The following SYT16 variants were observed in gnomAD, a reference collection of about 807,000 sequenced individuals.
SYT16 encodes the protein synaptotagmin 16, also known as synaptotagmin-16.
In SYT16, 42 loss-of-function variants were observed where a neutral mutation model predicts 61.4. The observed-to-expected ratio is 0.68, with a 90% CI of 0.53 to 0.89. SYT16 has a LOEUF of 0.89. Among genes scored for constraint, SYT16 ranks in the 40% least tolerant of loss-of-function variants. The probability of loss-of-function intolerance (pLI) is 0.00; values close to 1 mark genes in which losing one functional copy is unlikely to be tolerated. For synonymous variants in SYT16, 314 were observed against 302.3 expected (o/e 1.04, Z -0.40); for missense variants, 804 against 807.3 (o/e 1.00, Z 0.05).
chr14:61,956,787 G>A (rs531209732), intron 1 of SYT16, among the ~76,000 whole-genome samples: 73 of 151,678 alleles, frequency 4.8e-4, no homozygotes, highest in Middle Eastern at 3.4e-3. Flanking sequence ...GCTATTAAGA[G>A]TCTTTTATGA....
chr14:62,050,005 T>G (rs1371787650), intron 3 of SYT16, among the ~76,000 whole-genome samples: 2 of 152,164 alleles, frequency 1.3e-5, no homozygotes, highest in African/African-American at 2.4e-5. Context: ...TTTCCTGAAT[T>G]TGAATGTTGG....
At chr14:61,986,464 T>C (rs867600970) in intron 2 of SYT16, among the ~76,000 whole-genome samples, 4 of 150,388 alleles carry the variant, frequency 2.7e-5, no homozygotes, top group Non-Finnish European at 5.9e-5. Flanking sequence ...TATATATTTT[T>C]ATTATACTTT....
At chr14:61,979,672 A>G (rs1250228957) in intron 2 of SYT16, among the ~76,000 whole-genome samples, 1 of 152,168 alleles carries the variant, frequency 6.6e-6, no homozygotes, top group African/African-American at 2.4e-5. Flanking sequence ...TCACGAGGTC[A>G]AGAGATCGAG....
chr14:62,014,982 G>C (rs2053611299), intron 3 of SYT16, among the ~76,000 whole-genome samples: 1 of 152,102 alleles, frequency 6.6e-6, no homozygotes, highest in African/African-American at 2.4e-5. Flanking sequence ...CCTTCCTCGT[G>C]AAAACTGTTC....
intron 3 of SYT16, among the ~76,000 whole-genome samples, chr14:62,017,376 C>G (rs1178426785): frequency 6.6e-6 from 1 of 152,176 alleles, no homozygotes; most frequent in African/African-American, 2.4e-5. Flanking sequence ...CATTCACATG[C>G]TGACAAATCT....
At chr14:62,051,406 C>T (rs1042076479) in intron 3 of SYT16, among the ~76,000 whole-genome samples, 1 of 152,216 alleles carries the variant, frequency 6.6e-6, no homozygotes. Context: ...ATTCCCTGAC[C>T]CCTTGCACTT....
At chr14:61,957,401 A>G (rs2050922324) in intron 1 of SYT16, among the ~76,000 whole-genome samples, 1 of 151,920 alleles carries the variant, frequency 6.6e-6, no homozygotes, top group Non-Finnish European at 1.5e-5. Flanking sequence ...CTTAGAGGGA[A>G]GCTTTCCACT....
chr14:61,859,041 A>G (rs1408192779), intron 1 of SYT16, among the ~76,000 whole-genome samples: 3 of 151,066 alleles, frequency 2.0e-5, no homozygotes, highest in Non-Finnish European at 4.4e-5. Context: ...TTGTATTTTT[A>G]GTAGAGACGG....
At chr14:62,005,598 C>A (rs2053190154) in intron 3 of SYT16, among the ~76,000 whole-genome samples, 1 of 152,064 alleles carries the variant, frequency 6.6e-6, no homozygotes, top group Admixed American at 6.6e-5. Flanking sequence ...TGAATTCCAC[C>A]CACTTCTTTC....
intron 3 of SYT16, among the ~76,000 whole-genome samples, chr14:61,998,011 G>A (rs2052838058): frequency 6.6e-6 from 1 of 151,874 alleles, no homozygotes; most frequent in East Asian, 1.9e-4. Flanking sequence ...AATAATTAAC[G>A]ATGGAACAGC....
intron 1 of SYT16, among the ~76,000 whole-genome samples, chr14:61,860,029 A>T (rs58618060): frequency 0.033 from 4,980 of 152,272 alleles, 221 homozygotes; most frequent in African/African-American, 0.094. Context: ...CACAGAAATA[A>T]ACAGTACCCT....
intron 2 of SYT16, among the ~76,000 whole-genome samples, chr14:61,978,646 A>C (rs2051923881): frequency 6.6e-6 from 1 of 152,220 alleles, no homozygotes; most frequent in African/African-American, 2.4e-5. Context: ...GGGTAGACCT[A>C]TTGTTAAGTT....
At chr14:62,026,048 TA>T (rs1319108465) in intron 3 of SYT16, among the ~76,000 whole-genome samples, 2 of 152,298 alleles carry the variant, frequency 1.3e-5, no homozygotes, top group East Asian at 3.9e-4. Flanking sequence ...ATTAAAAAAT[TA>T]GGTAGCTTTT....
At chr14:61,870,181 A>G (rs909812455) in intron 1 of SYT16, among the ~76,000 whole-genome samples, 14 of 152,098 alleles carry the variant, frequency 9.2e-5, no homozygotes, top group Admixed American at 9.2e-4. Context: ...ATTCTTTTAG[A>G]TTTTGCATGT....
rs79409351 is a variant in SYT16, at chr14:61,912,844, C to G, written c.-324-57288C>G. 8.7e-3 allele frequency among the ~76,000 whole-genome samples: 1,324 copies of G among 152,208 alleles called. 9 individuals carry two copies. Among genetic ancestry groups the G allele is most frequent in the Middle Eastern group, 0.031 (9 of 294 alleles). ...CATCACTGTAATCTCTTGATAGGAACAGACAGAAACAGAATGAACTAAAGC... is the reference window on the plus strand; with the variant it reads ...CATCACTGTAATCTCTTGATAGGAAGAGACAGAAACAGAATGAACTAAAGC... On this transcript the variant is annotated intron_variant, in intron 1 of 7. Transcript: ENST00000683842.
chr14:62,036,759 G>A (rs544649892), intron 3 of SYT16, among the ~76,000 whole-genome samples: 18 of 152,172 alleles, frequency 1.2e-4, no homozygotes, highest in African/African-American at 3.1e-4. Flanking sequence ...GGAAAAACCC[G>A]CCCTCATGAT....
intron 1 of SYT16, chr14:61,832,267 G>A: frequency 1.7e-6 from 1 of 599,430 alleles, no homozygotes. Flanking sequence ...TAAGCTGGGA[G>A]CGCATAGTCA....
At chr14:61,851,610 G>T (rs2046623128) in intron 1 of SYT16, among the ~76,000 whole-genome samples, 1 of 152,188 alleles carries the variant, frequency 6.6e-6, no homozygotes, top group African/African-American at 2.4e-5. Context: ...ATTCTGACTG[G>T]CACGAGGTGA....
At chr14:61,874,043 C>T (rs1192722605) in intron 1 of SYT16, among the ~76,000 whole-genome samples, 4 of 152,240 alleles carry the variant, frequency 2.6e-5, no homozygotes, top group Non-Finnish European at 5.9e-5. Context: ...CTCAGAAATA[C>T]TCAGAAAAAT....
Sources: allele counts gnomAD v4.1 joint callset (sites outside exome capture counted in the v4.1 genomes callset), GRCh38; gene constraint gnomAD v4.1.1; transcripts MANE v1.5; gene names NCBI Gene and HGNC (gene_info 2026-07-23, HGNC 2026-07-21).